PDS5B: variants seen among roughly 807,000 people sequenced by gnomAD.
PDS5B encodes the protein sister chromatid cohesion protein PDS5 homolog B.
A neutral mutation model predicts 184.1 loss-of-function variants in PDS5B; 51 were observed. The ratio of observed to expected loss-of-function variants is 0.28; its 90% CI spans 0.22 to 0.35. The LOEUF is 0.35. Among genes scored for constraint, PDS5B ranks in the 10% least tolerant of loss-of-function variants. The pLI is 1.00. For missense variants in PDS5B, 1,180 were observed against 1,723.3 expected, an observed-to-expected ratio of 0.68 and a Z score of 5.58; for synonymous variants, 566 against 569.2, an observed-to-expected ratio of 0.99 and a Z score of 0.08.
chr13:32,768,807 GAAA>G (rs1215944798), intron 31 of PDS5B, among the ~76,000 whole-genome samples: 1 of 32,048 alleles, frequency 3.1e-5, no homozygotes, highest in Non-Finnish European at 7.3e-5. Flanking sequence ...AAAAAAAAAA[GAAA>G]AAAAAAAAAA....
At chr13:32,748,445 A>G (rs1209714913) in intron 24 of PDS5B, among the ~76,000 whole-genome samples, 1 of 146,824 alleles carries the variant, frequency 6.8e-6, no homozygotes, top group Admixed American at 6.8e-5. Context: ...TTATCTGATT[A>G]CATTTTCTGG....
In PDS5B at chr13:32,687,116, A is replaced by C; in HGVS notation, c.1204-18A>C. On this transcript the variant is annotated intron_variant, in intron 11 of 34. Transcript: ENST00000315596. ...TGGAAGCCTTTTTACATTATAAATA[A>C]AACTTTTTGTTTTTAAGTGGAGAGT... 6.4e-7 allele frequency: 1 copy of C among 1,573,162 alleles called. No individual in the cohort carries two copies. The highest frequency in any genetic ancestry group is 8.6e-7 in the Non-Finnish European group (1 of 1,163,698).
chr13:32,656,528 T>A (rs1593352306), intron 3 of PDS5B, among the ~76,000 whole-genome samples: 1 of 151,842 alleles, frequency 6.6e-6, no homozygotes, highest in Admixed American at 6.6e-5. Context: ...TGTTTTGTAA[T>A]TCTTGTTGTG....
chr13:32,758,208 A>G lies in PDS5B; in HGVS notation c.3178A>G (p.Lys1060Glu). The G allele has an allele frequency of 6.5e-7, 1 of 1,528,248 alleles. No individual in the cohort carries two copies. The allele number at this position is 1,528,248 out of a possible 1,614,324, so 94.7% of individuals were successfully genotyped here. The change falls in exon 27 of 35, where the codon AAA becomes GAA. Residue 1060 changes from lysine to glutamate, a missense_variant. By Grantham distance (56) the Lys-to-Glu change is moderately conservative. Around this residue, in one of 11 missense-constraint regions of PDS5B, gnomAD observed 465 missense variants for 497.8 expected, o/e 0.93. Transcript: ENST00000315596. ...AGATGCCCAAGGACCAGATGATGCA[A>G]AAATGAATGAAGTATGTAATTCTTT... Reference protein sequence around the residue: ...TKDAQGPDDAKMNEKLYTVCD... With the variant: ...TKDAQGPDDAEMNEKLYTVCD...
chr13:32,612,067 C>T (rs1403382369), intron 1 of PDS5B, among the ~76,000 whole-genome samples: 11 of 149,200 alleles, frequency 7.4e-5, no homozygotes, highest in Admixed American at 6.6e-4. Flanking sequence ...TTTTTTCCTT[C>T]ACGTAGGCCA....
intron 23 of PDS5B, among the ~76,000 whole-genome samples, chr13:32,743,736 A>T (rs1271744410): frequency 6.6e-6 from 1 of 151,324 alleles, no homozygotes; most frequent in Non-Finnish European, 1.5e-5. Flanking sequence ...CAAAACATAT[A>T]AAAAAAAACT....
intron 3 of PDS5B, among the ~76,000 whole-genome samples, chr13:32,652,775 T>C (rs1950404796): frequency 6.8e-6 from 1 of 147,762 alleles, no homozygotes; most frequent in African/African-American, 2.5e-5. Flanking sequence ...AAAAAAAAGA[T>C]TCAGTGAACA....
intron 1 of PDS5B, among the ~76,000 whole-genome samples, chr13:32,616,642 G>T (rs2058224477): frequency 6.6e-6 from 1 of 152,082 alleles, no homozygotes; most frequent in South Asian, 2.1e-4. Context: ...GACAGAAATT[G>T]GGCCAAGAAC....
At position 32,722,027 on chromosome 13, in the gene PDS5B, G is replaced by C. The variant is rs1335474295; in HGVS notation, c.2124-10074G>C. ...AGGCGGCTGGGAGGTGGAGGTTGTA[G>C]CGAGCCGAGATCACGCCACTGCACT... On this transcript the variant is annotated intron_variant, in intron 19 of 34. Transcript: ENST00000315596. Among the ~76,000 whole-genome samples the C allele has an allele frequency of 5.9e-5, 9 of 152,346 alleles. 2 individuals are homozygous for C. Among genetic ancestry groups the C allele is most frequent in the Admixed American group, 5.9e-4 (9 of 15,310 alleles).
chr13:32,634,400 A>T (rs142878097), intron 1 of PDS5B, among the ~76,000 whole-genome samples: 108 of 152,016 alleles, frequency 7.1e-4, no homozygotes, highest in African/African-American at 2.6e-3. Flanking sequence ...TTTTATTCCA[A>T]TTAGTATCAT....
intron 1 of PDS5B, among the ~76,000 whole-genome samples, chr13:32,588,569 C>T (rs1458043691): frequency 1.3e-5 from 2 of 151,648 alleles, no homozygotes; most frequent in Non-Finnish European, 2.9e-5. Context: ...TTTCTTTTCT[C>T]CTTGTTTCGG....
rs1049582694 is a variant in PDS5B at position 32,634,115 on chromosome 13, T to A, written c.-19-14639T>A. ...TCAGTGAGCCTCTTGCAGTCCCTCATAGATTCCTGCAGTCTTCCTGTGTTC... is the reference window on the plus strand; with the variant it reads ...TCAGTGAGCCTCTTGCAGTCCCTCAAAGATTCCTGCAGTCTTCCTGTGTTC... On this transcript the variant is annotated intron_variant, in intron 1 of 34. Coordinates refer to ENST00000315596, the MANE Select transcript of PDS5B (RefSeq NM_015032.4). 3.9e-5 allele frequency among the ~76,000 whole-genome samples: 6 copies of A among 152,206 alleles called. 1 individual carries two copies. The East Asian group carries it at 5.8e-4, about 15-fold the overall frequency.
intron 1 of PDS5B, among the ~76,000 whole-genome samples, chr13:32,630,488 A>G (rs1297853616): frequency 6.6e-6 from 1 of 152,192 alleles, no homozygotes; most frequent in Non-Finnish European, 1.5e-5. Context: ...CACTTGCAAT[A>G]AAGAATTTTT....
Position 32,688,617 on chromosome 13 carries a change from T to C in PDS5B, c.1469+48T>C, listed in dbSNP as rs1021923333. ...TGTTCTTTTCATCCTTTGCAATATA[T>C]TGGATTTTATGGAAAAGAAACTACA... On this transcript the variant is annotated intron_variant, in intron 13 of 34. Transcript: ENST00000315596. 6.4e-6 allele frequency: 7 copies of C among 1,098,238 alleles called. No homozygotes were observed. The Admixed American group carries it at 1.0e-4, about 16-fold the overall frequency. 68.0% of individuals were successfully genotyped at this position (1,098,238 alleles called of 1,614,324 possible).
At chr13:32,613,669 C>T (rs1336955157) in intron 1 of PDS5B, among the ~76,000 whole-genome samples, 1 of 152,102 alleles carries the variant, frequency 6.6e-6, no homozygotes, top group East Asian at 1.9e-4. Context: ...TATGAATGTT[C>T]TCCCATTCTG....
intron 1 of PDS5B, among the ~76,000 whole-genome samples, chr13:32,610,305 G>A (rs991478254): frequency 6.6e-6 from 1 of 152,210 alleles, no homozygotes; most frequent in Non-Finnish European, 1.5e-5. Context: ...TAAGGGACAG[G>A]TTGCTGTTAG....
At position 32,698,260 on chromosome 13, in the gene PDS5B, G is replaced by A. The variant is rs1593453636; in HGVS notation, c.1600+1358G>A. ...TTTGCTTTTTTTTTCTGAAATAATA[G>A]GCCTTATTGTAGCCTTTATTATGAT... On this transcript the variant is annotated intron_variant, in intron 15 of 34. Transcript: ENST00000315596. 2.0e-5 allele frequency among the ~76,000 whole-genome samples: 3 copies of A among 151,250 alleles called. No individual in the cohort carries two copies. In the South Asian group the frequency reaches 6.3e-4, roughly 32 times the overall value.
intron 3 of PDS5B, 45 bp downstream of exon 3, chr13:32,652,052 T>G (rs1295993174): frequency 3.8e-6 from 5 of 1,301,768 alleles, no homozygotes; most frequent in South Asian, 3.6e-5. Context: ...GATACTTTGA[T>G]TTATCTTTCT....
intron 31 of PDS5B, among the ~76,000 whole-genome samples, chr13:32,768,012 G>A (rs987424310): frequency 2.0e-5 from 3 of 152,198 alleles, no homozygotes; most frequent in Non-Finnish European, 2.9e-5. Context: ...TTCTGAAATG[G>A]TTGGATGTGT....
Sources: allele counts gnomAD v4.1 joint callset (sites outside exome capture counted in the v4.1 genomes callset), GRCh38; gene constraint gnomAD v4.1.1; regional missense constraint gnomAD v4.1.1; transcripts MANE v1.5; gene names NCBI Gene and HGNC (gene_info 2026-07-23, HGNC 2026-07-21).